SHOC1: variants seen among roughly 807,000 people sequenced by gnomAD.
SHOC1 encodes protein shortage in chiasmata 1 ortholog.
A neutral mutation model predicts 179.2 loss-of-function variants in SHOC1; 136 were observed. The ratio of observed to expected loss-of-function variants is 0.76; its 90% confidence interval spans 0.66 to 0.87. SHOC1 has a LOEUF of 0.87. SHOC1 is among the 40% of genes least tolerant of loss of function. The probability of loss-of-function intolerance (pLI) is 0.00; values close to 1 mark genes in which losing one functional copy is unlikely to be tolerated. For synonymous variants in SHOC1, 489 were observed against 586.6 expected, an observed-to-expected ratio of 0.83 and a Z score of 2.41; for missense variants, 1,538 against 1,700.8, an observed-to-expected ratio of 0.90 and a Z score of 1.68.
At chr9:111,793,679 AT>A (rs3031223) in intron 1 of SHOC1, among the ~76,000 whole-genome samples, 27,927 of 147,582 alleles carry the variant, frequency 0.19, 2,795 homozygotes, top group Non-Finnish European at 0.22. Context: ...CAATTCTCGA[AT>A]TTTTTTTTTT....
At chr9:111,715,024 G>A (rs1832722380) in intron 16 of SHOC1, among the ~76,000 whole-genome samples, 1 of 152,150 alleles carries the variant, frequency 6.6e-6, no homozygotes, top group African/African-American at 2.4e-5. Context: ...GCTTATTTAT[G>A]TATATCACTT....
intron 18 of SHOC1, among the ~76,000 whole-genome samples, chr9:111,710,917 A>T (rs1474521011): frequency 6.6e-6 from 1 of 152,184 alleles, no homozygotes; most frequent in Non-Finnish European, 1.5e-5. Flanking sequence ...ATGGCAAAAG[A>T]TGCAGCTTAT....
intron 12 of SHOC1, among the ~76,000 whole-genome samples, chr9:111,729,059 TG>T (rs1464842017): frequency 6.6e-6 from 1 of 152,184 alleles, no homozygotes; most frequent in Admixed American, 6.6e-5. Context: ...AAAATGCTAA[TG>T]ATCATCTGAG....
chr9:111,769,986 G>GTTTTTGTTTCTTTTT, intron 5 of SHOC1, among the ~76,000 whole-genome samples: 1 of 77,634 alleles, frequency 1.3e-5, no homozygotes, highest in East Asian at 3.1e-4. Context: ...TTTTTTTTTT[G>GTTTTTGTTTCTTTTT]TTTTTTTTTT....
At chr9:111,769,992 T>G (rs1172414775) in intron 5 of SHOC1, among the ~76,000 whole-genome samples, 12 of 146,100 alleles carry the variant, frequency 8.2e-5, no homozygotes, top group Admixed American at 2.0e-4. Context: ...TTTTGTTTTT[T>G]TTTTTTTTTT....
At chr9:111,707,453 CT>C (rs1832328232) in intron 19 of SHOC1, among the ~76,000 whole-genome samples, 1 of 151,936 alleles carries the variant, frequency 6.6e-6, no homozygotes, top group African/African-American at 2.4e-5. Flanking sequence ...CAATTCAACA[CT>C]TGATTTATTA....
At chr9:111,770,088 T>C (rs911599003) in intron 5 of SHOC1, among the ~76,000 whole-genome samples, 1 of 151,230 alleles carries the variant, frequency 6.6e-6, no homozygotes, top group Non-Finnish European at 1.5e-5. Context: ...CTTTCTTTTC[T>C]AGTGCCTTGA....
chr9:111,759,132 G>A (rs1255053560), intron 5 of SHOC1: 1 of 1,580,238 alleles, frequency 6.3e-7, no homozygotes. Flanking sequence ...TTAATCAATG[G>A]AGGAAAATAT....
At chr9:111,790,486 C>T (rs933885270) in intron 2 of SHOC1, among the ~76,000 whole-genome samples, 1 of 152,166 alleles carries the variant, frequency 6.6e-6, no homozygotes, top group African/African-American at 2.4e-5. Flanking sequence ...ATTTTTTTCT[C>T]CTGACAGCTT....
intron 27 of SHOC1, among the ~76,000 whole-genome samples, chr9:111,687,087 C>T (rs995183143): frequency 1.3e-5 from 2 of 152,002 alleles, no homozygotes; most frequent in African/African-American, 4.8e-5. Flanking sequence ...GCTGGGATTA[C>T]AGGCACCTGC....
intron 24 of SHOC1, among the ~76,000 whole-genome samples, chr9:111,699,709 G>A (rs973162956): frequency 1.1e-4 from 17 of 152,082 alleles, no homozygotes; most frequent in African/African-American, 3.9e-4. Context: ...TTCATATCCT[G>A]CTATGTTTAG....
chr9:111,789,987 C>A (rs576759519), intron 2 of SHOC1, among the ~76,000 whole-genome samples: 25 of 152,170 alleles, frequency 1.6e-4, no homozygotes, highest in African/African-American at 5.8e-4. Flanking sequence ...TAGATGGGGT[C>A]AGTGTTACAA....
intron 10 of SHOC1, among the ~76,000 whole-genome samples, chr9:111,743,878 CAAAT>C (rs1011650161): frequency 2.6e-5 from 4 of 152,068 alleles, no homozygotes; most frequent in African/African-American, 9.7e-5. Flanking sequence ...AGTTGCCAAA[CAAAT>C]GGAAGTGATT....
intron 24 of SHOC1, 104 bp from the exon 25 acceptor site, chr9:111,694,466 T>C (rs1262039589): frequency 1.3e-6 from 1 of 764,986 alleles, no homozygotes; most frequent in East Asian, 2.8e-5. Context: ...CAACAGCAGA[T>C]TCTATCTAAT....
intron 13 of SHOC1, 126 bp from the exon 14 acceptor site, chr9:111,724,037 T>G (rs1024525590): frequency 3.3e-5 from 23 of 686,898 alleles, no homozygotes; most frequent in Non-Finnish European, 5.2e-5. Flanking sequence ...ACATCAGTAT[T>G]AAAGTGAACA....
At chr9:111,732,603 C>T (rs1169031901) in intron 12 of SHOC1, among the ~76,000 whole-genome samples, 1 of 152,142 alleles carries the variant, frequency 6.6e-6, no homozygotes, top group Non-Finnish European at 1.5e-5. Context: ...TACACAACAT[C>T]ATGAATGAAT....
intron 5 of SHOC1, among the ~76,000 whole-genome samples, chr9:111,767,250 C>CA (rs71373767): frequency 0.61 from 93,424 of 151,934 alleles, 29,229 homozygotes; most frequent in East Asian, 0.89. Flanking sequence ...AGATCCTATA[C>CA]AAAAAATCTT....
At chr9:111,728,755 C>T (rs1833425603) in intron 12 of SHOC1, among the ~76,000 whole-genome samples, 1 of 152,120 alleles carries the variant, frequency 6.6e-6, no homozygotes, top group African/African-American at 2.4e-5. Flanking sequence ...GATGATTGCA[C>T]AACTCTGGGC....
In SHOC1 at chr9:111,766,407, G is replaced by C. The variant is rs576208793; in HGVS notation, c.443-7559C>G. ...TAATTTCCTTTCTTTTCCAGAAGTG[G>C]AACTGCTGGATCATATGGTAGTTCT... On this transcript the variant is annotated intron_variant, in intron 5 of 27. Transcript: ENST00000682961. Among the ~76,000 whole-genome samples the C allele has an allele frequency of 7.2e-5, 11 of 152,190 alleles. No individual in the cohort carries two copies. The East Asian group carries it at 1.9e-3, about 27-fold the overall frequency.
Sources: allele counts gnomAD v4.1 joint callset (sites outside exome capture counted in the v4.1 genomes callset), GRCh38; gene constraint gnomAD v4.1.1; transcripts MANE v1.5; gene names NCBI Gene and HGNC (gene_info 2026-07-23, HGNC 2026-07-21).